The following ACCSL variants were observed in gnomAD, a reference collection of about 807,000 sequenced individuals.
ACCSL encodes the protein 1-aminocyclopropane-1-carboxylate synthase homolog (inactive) like, also known as probable inactive 1-aminocyclopropane-1-carboxylate synthase-like protein 2.
In ACCSL, 55 loss-of-function variants were observed where a neutral mutation model predicts 61.7. That is an observed-to-expected ratio of 0.89 (90% CI 0.72 to 1.12). The LOEUF (loss-of-function observed/expected upper bound fraction) is 1.12. Among genes scored for constraint, ACCSL ranks in the 50% most tolerant of loss-of-function variants. The pLI is 0.00. For missense variants in ACCSL, 632 were observed against 698.0 expected (o/e 0.91, Z 1.07); for synonymous variants, 258 against 264.3 (o/e 0.98, Z 0.23).
At chr11:43,932,980 G>A in the ACCSL span, 12 of 432,080 alleles carry the variant, frequency 2.8e-5, no homozygotes, top group Middle Eastern at 7.6e-4. Context: ...GGCTGGAGGC[G>A]CTTTGGAGGG....
the ACCSL span, among the ~76,000 whole-genome samples, chr11:43,934,807 A>G: frequency 6.6e-6 from 1 of 152,204 alleles, no homozygotes; most frequent in Non-Finnish European, 1.5e-5. Flanking sequence ...CCTGGGACAC[A>G]CTGCATCCCT....
the ACCSL span, among the ~76,000 whole-genome samples, chr11:44,030,864 C>A: frequency 5.3e-5 from 8 of 152,226 alleles, no homozygotes; most frequent in South Asian, 1.7e-3. Context: ...CATGATCACA[C>A]AAGACTCATT....
At chr11:44,054,129 G>A (rs180954205) in intron 8 of ACCSL, among the ~76,000 whole-genome samples, 69 of 152,264 alleles carry the variant, frequency 4.5e-4, no homozygotes, top group African/African-American at 1.3e-3. Context: ...ATCCATTTCC[G>A]AAGCCACTTG....
chr11:44,046,665 G>A (rs918267484), upstream of ACCSL, among the ~76,000 whole-genome samples: 1 of 151,532 alleles, frequency 6.6e-6, no homozygotes, highest in African/African-American at 2.4e-5. Context: ...GTTTTTTTTT[G>A]TGTTTGTGTG....
the ACCSL span, among the ~76,000 whole-genome samples, chr11:43,966,090 A>G: frequency 5.5e-4 from 66 of 119,422 alleles, no homozygotes; most frequent in African/African-American, 2.2e-3. Flanking sequence ...TCAAGCAACT[A>G]AAGAAAAAAA....
the ACCSL span, among the ~76,000 whole-genome samples, chr11:44,019,307 G>T: frequency 2.6e-5 from 4 of 152,186 alleles, no homozygotes; most frequent in African/African-American, 9.7e-5. Context: ...CAGTGGAATT[G>T]TTGGGTCATA....
At chr11:44,030,484 A>G in the ACCSL span, among the ~76,000 whole-genome samples, 1 of 151,818 alleles carries the variant, frequency 6.6e-6, no homozygotes, top group Non-Finnish European at 1.5e-5. Context: ...TCAAGGAGAA[A>G]GCAGCATGAG....
At chr11:44,019,627 T>C in the ACCSL span, among the ~76,000 whole-genome samples, 1 of 152,358 alleles carries the variant, frequency 6.6e-6, no homozygotes, top group East Asian at 1.9e-4. Flanking sequence ...CTGTAAGATT[T>C]CTTTATATGT....
At chr11:43,974,925 C>T in the ACCSL span, among the ~76,000 whole-genome samples, 1 of 152,044 alleles carries the variant, frequency 6.6e-6, no homozygotes, top group African/African-American at 2.4e-5. Context: ...ATACAGAGAT[C>T]GAGAGATAAT....
At chr11:44,054,745 A>G (rs1952660923) in intron 8 of ACCSL, among the ~76,000 whole-genome samples, 1 of 152,058 alleles carries the variant, frequency 6.6e-6, no homozygotes, top group Admixed American at 6.5e-5. Context: ...CTGAACCACC[A>G]TGCCCGGCCC....
the ACCSL span, among the ~76,000 whole-genome samples, chr11:43,974,580 A>G: frequency 6.6e-6 from 1 of 152,204 alleles, no homozygotes; most frequent in Non-Finnish European, 1.5e-5. Flanking sequence ...CAGTGGCACC[A>G]TTCAATCCCC....
intron 13 of ACCSL, among the ~76,000 whole-genome samples, chr11:44,059,047 CCTGG>C (rs972871260): frequency 1.3e-5 from 2 of 152,088 alleles, no homozygotes; most frequent in Non-Finnish European, 1.5e-5. Context: ...TCCAGACCAG[CCTGG>C]CCAGCATGGT....
At chr11:43,937,073 C>T in the ACCSL span, among the ~76,000 whole-genome samples, 1 of 152,106 alleles carries the variant, frequency 6.6e-6, no homozygotes, top group African/African-American at 2.4e-5. Context: ...GTACCCTAGT[C>T]CCCAGCCTCA....
the ACCSL span, among the ~76,000 whole-genome samples, chr11:44,010,351 G>A: frequency 2.6e-5 from 4 of 152,154 alleles, no homozygotes; most frequent in African/African-American, 7.2e-5. Flanking sequence ...AAAAAAAATC[G>A]TCTCCTTCAT....
chr11:43,970,034 G>A, the ACCSL span, among the ~76,000 whole-genome samples: 12 of 151,840 alleles, frequency 7.9e-5, no homozygotes, highest in Admixed American at 7.2e-4. Flanking sequence ...TTCAGATTTA[G>A]GGCCAGGCTT....
At chr11:44,023,693 G>A in the ACCSL span, among the ~76,000 whole-genome samples, 2 of 142,822 alleles carry the variant, frequency 1.4e-5, no homozygotes, top group Non-Finnish European at 3.1e-5. Flanking sequence ...GCTTGCTGTG[G>A]ATGAAGTTTG....
chr11:43,997,016 G>A, the ACCSL span, among the ~76,000 whole-genome samples: 608 of 151,920 alleles, frequency 4.0e-3, no homozygotes, highest in African/African-American at 0.014. Context: ...TCGCCATGTT[G>A]GCCAGGCTGG....
At chr11:44,038,847 C>T in the ACCSL span, among the ~76,000 whole-genome samples, 1 of 152,172 alleles carries the variant, frequency 6.6e-6, no homozygotes, top group African/African-American at 2.4e-5. Context: ...CAACCTCTCC[C>T]TTTTCCTTAA....
the ACCSL span, among the ~76,000 whole-genome samples, chr11:44,025,601 T>A: frequency 6.7e-6 from 1 of 148,622 alleles, no homozygotes; most frequent in Non-Finnish European, 1.5e-5. Flanking sequence ...AACAAAAACA[T>A]ATCTTTGAAC....
Sources: allele counts gnomAD v4.1 joint callset (sites outside exome capture counted in the v4.1 genomes callset), GRCh38; gene constraint gnomAD v4.1.1; transcripts MANE v1.5; gene names NCBI Gene and HGNC (gene_info 2026-07-23, HGNC 2026-07-21).